CCDC91: variants seen among roughly 807,000 people sequenced by gnomAD.
The protein encoded by CCDC91 is coiled-coil domain containing 91, also known as coiled-coil domain-containing protein 91.
CCDC91 carries 48 observed loss-of-function variants against 63.2 expected under a neutral mutation model. That is an observed-to-expected ratio of 0.76 (90% CI 0.60 to 0.97). The LOEUF (loss-of-function observed/expected upper bound fraction) is 0.97. Ranked by LOEUF, CCDC91 falls within the 50% of genes least tolerant of loss-of-function variation. CCDC91 has a pLI of 0.00. For missense variants in CCDC91, 500 were observed against 494.6 expected (o/e 1.01, Z -0.10); for synonymous variants, 167 against 165.8 (o/e 1.01, Z -0.06).
chr12:28,192,583 TTATGTA>T (rs1311413240), intron 1 of CCDC91, among the ~76,000 whole-genome samples: 1 of 152,220 alleles, frequency 6.6e-6, no homozygotes, highest in Non-Finnish European at 1.5e-5. Context: ...CTCTTGGTGT[TTATGTA>T]TATCTGTTTC....
At chr12:28,381,744 C>G (rs1021801196) in intron 7 of CCDC91, among the ~76,000 whole-genome samples, 12 of 152,110 alleles carry the variant, frequency 7.9e-5, no homozygotes, top group South Asian at 4.1e-4. Flanking sequence ...CCAATCTGAG[C>G]TGTTGTTAAA....
chr12:28,417,640 T>TATAC (rs57507827), intron 8 of CCDC91, among the ~76,000 whole-genome samples: 19,540 of 111,764 alleles, frequency 0.17, 1,769 homozygotes, highest in East Asian at 0.41. Context: ...TATATATATA[T>TATAC]ACACACACAC....
rs534377428 is a variant in CCDC91, at chr12:28,361,922, T to C, written c.577-516T>C. On this transcript the variant is annotated intron_variant, in intron 6 of 12. Coordinates refer to ENST00000536442, the MANE Select transcript of CCDC91 (RefSeq NM_018318.5). ...TTTCTTTTTGTTTTTTCTGTTGTCA[T>C]TTCTGATAATTTTGTTTTGGAAGCT... is the stretch of plus-strand genomic sequence containing the variant. 2.6e-5 allele frequency among the ~76,000 whole-genome samples: 4 copies of C among 152,136 alleles called. No individual in the cohort carries two copies. The South Asian group carries it at 8.3e-4, about 32-fold the overall frequency.
chr12:28,211,969 C>G (rs1943263914), intron 1 of CCDC91, among the ~76,000 whole-genome samples: 2 of 152,120 alleles, frequency 1.3e-5, no homozygotes, highest in Admixed American at 1.3e-4. Flanking sequence ...ATTCCTGGAC[C>G]CAGTCCAGTT....
chr12:28,541,161 A>T (rs1233782454), intron 12 of CCDC91, among the ~76,000 whole-genome samples: 1 of 152,172 alleles, frequency 6.6e-6, no homozygotes, highest in African/African-American at 2.4e-5. Context: ...ACACCGATAG[A>T]TAACTAATAC....
intron 1 of CCDC91, among the ~76,000 whole-genome samples, chr12:28,248,265 G>A (rs570605583): frequency 1.1e-4 from 16 of 152,128 alleles, no homozygotes; most frequent in Non-Finnish European, 2.4e-4. Context: ...TCAATCTTGA[G>A]TTTTGGTTGT....
intron 12 of CCDC91, among the ~76,000 whole-genome samples, chr12:28,510,236 C>CGTGTGTGTGTGTGTGTGT (rs567113847): frequency 1.0e-3 from 140 of 136,014 alleles, no homozygotes; most frequent in Middle Eastern, 3.7e-3. Context: ...GTCAATAGGG[C>CGTGTGTGTGTGTGTGTGT]ATGTGTGTGT....
chr12:28,524,973 T>C (rs1941129354), intron 12 of CCDC91, among the ~76,000 whole-genome samples: 1 of 152,178 alleles, frequency 6.6e-6, no homozygotes, highest in Non-Finnish European at 1.5e-5. Context: ...TGAGCTTAGT[T>C]GGATGTTCTC....
intron 1 of CCDC91, among the ~76,000 whole-genome samples, chr12:28,205,629 A>G (rs978119714): frequency 6.6e-6 from 1 of 152,192 alleles, no homozygotes; most frequent in Non-Finnish European, 1.5e-5. Flanking sequence ...ACATACAGCA[A>G]TTGGAAGTGA....
chr12:28,336,289 A>G (rs1941976519), intron 6 of CCDC91, among the ~76,000 whole-genome samples: 2 of 152,174 alleles, frequency 1.3e-5, no homozygotes. Context: ...AAGGAAGAGA[A>G]TCTGATTCAT....
At chr12:28,418,778 T>C (rs1947831076) in intron 8 of CCDC91, among the ~76,000 whole-genome samples, 1 of 152,130 alleles carries the variant, frequency 6.6e-6, no homozygotes, top group Non-Finnish European at 1.5e-5. Flanking sequence ...AAAGTTTTGG[T>C]TGTTATTATA....
intron 8 of CCDC91, among the ~76,000 whole-genome samples, chr12:28,437,985 G>T (rs577715130): frequency 6.6e-6 from 1 of 152,046 alleles, no homozygotes; most frequent in Non-Finnish European, 1.5e-5. Flanking sequence ...ATGAAAAATT[G>T]AGGACTAAAT....
chr12:28,405,380 T>C (rs1308237941), intron 8 of CCDC91, among the ~76,000 whole-genome samples: 1 of 152,176 alleles, frequency 6.6e-6, no homozygotes. Flanking sequence ...CATACTCATA[T>C]ATATTGTTGC....
chr12:28,531,373 T>C (rs1177741537), intron 12 of CCDC91, among the ~76,000 whole-genome samples: 1 of 152,196 alleles, frequency 6.6e-6, no homozygotes, highest in African/African-American at 2.4e-5. Flanking sequence ...TCAAAACGTA[T>C]GTAATTTTCA....
rs114180167 is a variant in CCDC91 at position 28,294,596 on chromosome 12, T to A, written c.110-11053T>A. On this transcript the variant is annotated intron_variant, in intron 3 of 12. Coordinates refer to ENST00000536442, the MANE Select transcript of CCDC91 (RefSeq NM_018318.5). ...TCAGTTAAACCTGCTTCCTCTTTTT[T>A]TTTTTGAGATGGGATTTCACTCTTG... is the stretch of plus-strand genomic sequence containing the variant. Among the ~76,000 whole-genome samples, 882 of 152,248 alleles carry A rather than the reference T, an allele frequency of 5.8e-3. 9 individuals carry two copies. The highest frequency in any genetic ancestry group is 0.02 in the African/African-American group (845 of 41,556).
intron 6 of CCDC91, among the ~76,000 whole-genome samples, chr12:28,351,689 T>C (rs75168154): frequency 1.2e-4 from 18 of 152,076 alleles, no homozygotes; most frequent in East Asian, 1.9e-4. Flanking sequence ...TTTTTTTTTT[T>C]CTGAAGATTA....
intron 1 of CCDC91, among the ~76,000 whole-genome samples, chr12:28,224,233 C>G (rs527914392): frequency 3.0e-4 from 46 of 152,210 alleles, no homozygotes; most frequent in African/African-American, 1.0e-3. Flanking sequence ...GGGGTTTTAT[C>G]CAGAGTCATC....
chr12:28,413,515 A>G lies in CCDC91; in HGVS notation c.762+22104A>G, dbSNP rs566693730. 5.3e-5 allele frequency among the ~76,000 whole-genome samples: 8 copies of G among 152,170 alleles called. No homozygotes were observed. In the East Asian group the frequency reaches 1.5e-3, roughly 29 times the overall value. ...TTATCTTTTCTCTTTGGTTGTTTTT[A>G]ATAGTTTTACTTATTCTTGATGTGC... On this transcript the variant is annotated intron_variant, in intron 8 of 12. Transcript: ENST00000536442.
chr12:28,269,350 A>C (rs1382369888), intron 3 of CCDC91, among the ~76,000 whole-genome samples: 1 of 151,752 alleles, frequency 6.6e-6, no homozygotes, highest in Non-Finnish European at 1.5e-5. Context: ...TTTTGTGCCC[A>C]TTCTCTCCTT....
Sources: allele counts gnomAD v4.1 joint callset (sites outside exome capture counted in the v4.1 genomes callset), GRCh38; gene constraint gnomAD v4.1.1; transcripts MANE v1.5; gene names NCBI Gene and HGNC (gene_info 2026-07-23, HGNC 2026-07-21).